The following DAPK1 variants were observed in gnomAD, a reference collection of about 807,000 sequenced individuals.
DAPK1 encodes death-associated protein kinase 1.
A neutral mutation model predicts 144.9 loss-of-function variants in DAPK1; 56 were observed. The observed-to-expected ratio is 0.39, with a 90% CI of 0.31 to 0.48. The LOEUF (loss-of-function observed/expected upper bound fraction) is 0.48, where lower values mean the gene tolerates loss of function less well. DAPK1 is among the 20% of genes least tolerant of loss of function. The pLI is 0.95. For synonymous variants in DAPK1, 690 were observed against 749.0 expected, an observed-to-expected ratio of 0.92 and a Z score of 1.29; for missense variants, 1,454 against 1,875.4, an observed-to-expected ratio of 0.78 and a Z score of 4.15.
chr9:87,576,500 T>C (rs147351813), intron 2 of DAPK1, among the ~76,000 whole-genome samples: 1,896 of 152,338 alleles, frequency 0.012, 26 homozygotes, highest in South Asian at 0.035. Flanking sequence ...TTTTGGCCTC[T>C]GCCCCTCATG....
intron 3 of DAPK1, among the ~76,000 whole-genome samples, chr9:87,620,029 AAGG>A (rs36208748): frequency 0.055 from 8,429 of 152,162 alleles, 762 homozygotes; most frequent in African/African-American, 0.19. Context: ...TGCTGTTGAA[AAGG>A]AGATCTGAAC....
chr9:87,554,195 A>C (rs1417463317), intron 2 of DAPK1: 2 of 152,182 alleles, frequency 1.3e-5, no homozygotes, highest in Non-Finnish European at 2.9e-5. Context: ...GTTCATAAAG[A>C]CCTACTGATC....
At chr9:87,504,892 A>C (rs1233195095) in intron 2 of DAPK1, among the ~76,000 whole-genome samples, 1 of 152,262 alleles carries the variant, frequency 6.6e-6, no homozygotes, top group Non-Finnish European at 1.5e-5. Context: ...CAGAAAAAAA[A>C]GTCTGTATAT....
At chr9:87,657,105 GTTT>G (rs949942181) in intron 17 of DAPK1, among the ~76,000 whole-genome samples, 2 of 152,060 alleles carry the variant, frequency 1.3e-5, no homozygotes, top group African/African-American at 4.8e-5. Context: ...TCAGTAATTA[GTTT>G]TTTCATGGTT....
At chr9:87,693,954 G>T (rs1825169077) in intron 21 of DAPK1, among the ~76,000 whole-genome samples, 1 of 152,156 alleles carries the variant, frequency 6.6e-6, no homozygotes, top group Non-Finnish European at 1.5e-5. Flanking sequence ...CCTAGTGGTG[G>T]CAGTGGTGGG....
chr9:87,541,156 T>C (rs1241401167), intron 2 of DAPK1, among the ~76,000 whole-genome samples: 1 of 152,204 alleles, frequency 6.6e-6, no homozygotes, highest in Non-Finnish European at 1.5e-5. Flanking sequence ...CATTGGATAT[T>C]GGTTCCTACT....
At chr9:87,701,610 G>A (rs1189676874) in intron 24 of DAPK1, among the ~76,000 whole-genome samples, 1 of 152,156 alleles carries the variant, frequency 6.6e-6, no homozygotes, top group African/African-American at 2.4e-5. Flanking sequence ...GAGCGTCCCA[G>A]TGGAGAAGTG....
intron 2 of DAPK1, among the ~76,000 whole-genome samples, chr9:87,561,489 G>A (rs1247047792): frequency 2.0e-5 from 3 of 151,818 alleles, no homozygotes; most frequent in Non-Finnish European, 4.4e-5. Context: ...TGGCACCACT[G>A]CACTCCAGCC....
At chr9:87,555,869 C>T (rs957781260) in intron 2 of DAPK1, among the ~76,000 whole-genome samples, 1 of 152,164 alleles carries the variant, frequency 6.6e-6, no homozygotes, top group Non-Finnish European at 1.5e-5. Context: ...AACAAATTAC[C>T]GGCTAACTAA....
At chr9:87,648,900 T>C in intron 15 of DAPK1, 21 bp downstream of exon 15, 1 of 1,593,246 alleles carries the variant, frequency 6.3e-7, no homozygotes, top group African/African-American at 1.3e-5. Context: ...ACTGACATCC[T>C]CCCTTCCTCT....
In DAPK1 at chr9:87,530,804, A is replaced by G. The variant is rs911253913; in HGVS notation, c.62+31665A>G. On this transcript the variant is annotated intron_variant, in intron 2 of 25. Transcript: ENST00000408954. ...AGCCTTCTTGTCGCAGGTGGGAACA[A>G]ACATCCAAAGAAACCCCCAAGGGCC... Among the ~76,000 whole-genome samples, 3 of 152,160 alleles carry G rather than the reference A, an allele frequency of 2.0e-5. No homozygotes were observed. The East Asian group carries it at 5.8e-4, about 29-fold the overall frequency.
At chr9:87,520,670 T>C (rs1342773698) in intron 2 of DAPK1, among the ~76,000 whole-genome samples, 1 of 152,206 alleles carries the variant, frequency 6.6e-6, no homozygotes, top group Non-Finnish European at 1.5e-5. Context: ...TTTCTATACT[T>C]CTTTTAAAAA....
rs574961229 is a variant in DAPK1, at chr9:87,685,603, G to C, written c.2225-948G>C. 2.6e-5 allele frequency among the ~76,000 whole-genome samples: 4 copies of C among 152,268 alleles called. No individual in the cohort carries two copies. The South Asian group carries it at 8.3e-4, about 32-fold the overall frequency. On this transcript the variant is annotated intron_variant, in intron 20 of 25. Transcript: ENST00000408954. Reference sequence around the variant, plus strand: ...CCTGCACAAGCCTGGTGGGAGAGACGGGGAGCAGGGCAGGCCAGTGAGTAA... The same window carrying C: ...CCTGCACAAGCCTGGTGGGAGAGACCGGGAGCAGGGCAGGCCAGTGAGTAA...
chr9:87,618,557 T>C (rs1194583191), intron 3 of DAPK1, among the ~76,000 whole-genome samples: 1 of 152,214 alleles, frequency 6.6e-6, no homozygotes, highest in Non-Finnish European at 1.5e-5. Flanking sequence ...GAACAAAATA[T>C]GGTATGTCCA....
intron 2 of DAPK1, among the ~76,000 whole-genome samples, chr9:87,529,761 A>C (rs533372286): frequency 6.6e-6 from 1 of 152,338 alleles, no homozygotes; most frequent in Non-Finnish European, 1.5e-5. Context: ...CACCAGACCC[A>C]AGGGGCTCAG....
intron 3 of DAPK1, among the ~76,000 whole-genome samples, chr9:87,615,692 A>G (rs917512951): frequency 1.3e-5 from 2 of 152,222 alleles, no homozygotes; most frequent in Non-Finnish European, 2.9e-5. Flanking sequence ...ACTGCCCTTC[A>G]CTTTACCTTT....
Position 87,643,369 on chromosome 9 carries a change from A to G in DAPK1, c.919-7A>G. 1 of 1,485,880 alleles carries G rather than the reference A, an allele frequency of 6.7e-7. No individual in the cohort carries two copies. Among genetic ancestry groups the G allele is most frequent in the Non-Finnish European group, 8.9e-7 (1 of 1,118,686 alleles). The allele number at this position is 1,485,880 out of a possible 1,614,324, so 92.0% of individuals were successfully genotyped here. A position where few individuals can be genotyped will look rare whatever the true frequency, so the allele number is the denominator to read the frequency against. On this transcript the variant is annotated splice_region_variant and splice_polypyrimidine_tract_variant and intron_variant, in intron 10 of 25. Transcript: ENST00000408954. ...TCCCTTTTTTTTTTTTTTTTTTTAA[A>G]AAAAAGCAATCCGTTCGCTTGATAT...
chr9:87,627,400 AG>A (rs1829528689), intron 3 of DAPK1, among the ~76,000 whole-genome samples: 1 of 152,214 alleles, frequency 6.6e-6, no homozygotes, highest in African/African-American at 2.4e-5. Context: ...CACAGTAGGT[AG>A]GCGGTGTTGC....
chr9:87,512,763 A>T (rs1824897915), intron 2 of DAPK1, among the ~76,000 whole-genome samples: 1 of 152,028 alleles, frequency 6.6e-6, no homozygotes, highest in Non-Finnish European at 1.5e-5. Flanking sequence ...CCTGCCTCAG[A>T]GTAAGTAGCT....
Sources: allele counts gnomAD v4.1 joint callset (sites outside exome capture counted in the v4.1 genomes callset), GRCh38; gene constraint gnomAD v4.1.1; transcripts MANE v1.5; gene names NCBI Gene and HGNC (gene_info 2026-07-23, HGNC 2026-07-21).